Variants in CNKSR2 observed in about 807,000 individuals in gnomAD.
CNKSR2 encodes the protein connector enhancer of kinase suppressor of Ras 2.
A neutral mutation model predicts 84.4 loss-of-function variants in CNKSR2; 14 were observed. The ratio of observed to expected loss-of-function variants is 0.17; its 90% CI spans 0.11 to 0.26. The LOEUF is 0.26. Among genes scored for constraint, CNKSR2 ranks in the 10% least tolerant of loss-of-function variants. CNKSR2 has a pLI of 1.00. For missense variants in CNKSR2, 485 were observed against 771.2 expected (o/e 0.63, Z 4.40); for synonymous variants, 275 against 277.9 (o/e 0.99, Z 0.10).
intron 11 of CNKSR2, among the ~76,000 whole-genome samples, chrX:21,553,493 A>C (rs2092111629): frequency 9.2e-6 from 1 of 108,386 alleles, no homozygotes; most frequent in Non-Finnish European, 1.9e-5. Flanking sequence ...GAATGTGTCC[A>C]TTAGGGTCCT....
chrX:21,631,743 T>A (rs762918467), intron 20 of CNKSR2, among the ~76,000 whole-genome samples: 1 of 112,482 alleles, frequency 8.9e-6, no homozygotes, highest in East Asian at 2.8e-4. Flanking sequence ...ATGCAGTATG[T>A]AGAATAAAAT....
At chrX:21,486,872 C>G (rs933475327) in intron 5 of CNKSR2, among the ~76,000 whole-genome samples, 1 of 111,536 alleles carries the variant, frequency 9.0e-6, no homozygotes, top group Admixed American at 9.5e-5. Flanking sequence ...TTCCCTGGAA[C>G]TTTCCTATAG....
chrX:21,421,431 G>C (rs140477426), intron 1 of CNKSR2, among the ~76,000 whole-genome samples: 1 of 109,006 alleles, frequency 9.2e-6, no homozygotes, highest in Non-Finnish European at 1.9e-5. Context: ...TGTCCTTGCG[G>C]GGGGCTAGGG....
At position 21,602,904 on chromosome X, in the gene CNKSR2, T is replaced by G. The variant is rs1331620451; in HGVS notation, c.2044+1555T>G. Among the ~76,000 whole-genome samples the G allele has an allele frequency of 8.0e-5, 9 of 112,310 alleles. No individual in the cohort carries two copies. In the Admixed American group the frequency reaches 8.5e-4, roughly 11 times the overall value. ...ATGTACTGATAGGAAAATGAATCTC[T>G]GACTCAATTTGCATAAATATAAGGG... On this transcript the variant is annotated intron_variant, in intron 18 of 21. Transcript: ENST00000379510.
At chrX:21,398,724 T>C (rs2090150747) in intron 1 of CNKSR2, among the ~76,000 whole-genome samples, 1 of 111,913 alleles carries the variant, frequency 8.9e-6, no homozygotes, top group African/African-American at 3.2e-5. Flanking sequence ...AACTTAAATA[T>C]TTCTCAAATG....
At chrX:21,571,109 T>C (rs1206972993) in intron 13 of CNKSR2, among the ~76,000 whole-genome samples, 1 of 112,578 alleles carries the variant, frequency 8.9e-6, no homozygotes, top group Non-Finnish European at 1.9e-5. Context: ...GATGGCATCA[T>C]CTTCCACTAT....
chrX:21,486,102 C>T (rs956234302), intron 5 of CNKSR2, among the ~76,000 whole-genome samples: 1 of 111,222 alleles, frequency 9.0e-6, no homozygotes, highest in African/African-American at 3.3e-5. Flanking sequence ...CCAGCCTGGG[C>T]AACAGATCGA....
At chrX:21,509,251 A>G in intron 8 of CNKSR2, among the ~76,000 whole-genome samples, 1 of 112,034 alleles carries the variant, frequency 8.9e-6, no homozygotes, top group East Asian at 2.8e-4. Context: ...TAAAAAACCA[A>G]ATGCCTTGAT....
In CNKSR2 at chrX:21,591,215, T is replaced by C. The variant is rs2092418425; in HGVS notation, c.1830+21T>C. Reference sequence around the variant, plus strand: ...AGGAGGTAAGATAAAGCACCTTTTGTTTTCTCATCCATTCTCTATCTTTAA... The same window carrying C: ...AGGAGGTAAGATAAAGCACCTTTTGCTTTCTCATCCATTCTCTATCTTTAA... On this transcript the variant is annotated intron_variant, in intron 15 of 21. Transcript: ENST00000379510. 7.3e-6 allele frequency: 8 copies of C among 1,102,744 alleles called. No homozygotes were observed. The East Asian group carries it at 2.2e-4, about 30-fold the overall frequency. The allele number at this position is 1,102,744 out of a possible 1,213,427, so 90.9% of individuals were successfully genotyped here. A position where few individuals can be genotyped will look rare whatever the true frequency, so the allele number is the denominator to read the frequency against.
chrX:21,573,400 G>A (rs952714691), intron 13 of CNKSR2, among the ~76,000 whole-genome samples: 3 of 112,368 alleles, frequency 2.7e-5, no homozygotes, highest in African/African-American at 9.7e-5. Context: ...GAGACTTTGT[G>A]TGGGGACTCT....
intron 5 of CNKSR2, among the ~76,000 whole-genome samples, chrX:21,487,715 G>C (rs12395602): frequency 0.037 from 4,162 of 111,322 alleles, 86 homozygotes; most frequent in Non-Finnish European, 0.06. Flanking sequence ...GTCAAACATA[G>C]AATTTGAACC....
Position 21,603,100 on chromosome X carries a change from A to G in CNKSR2, c.2044+1751A>G, listed in dbSNP as rs188161574. ...AGTTGTATTGGACATGCAGGTTCCA[A>G]AAAGTATTTAGTCTGTGGATTCGTG... On this transcript the variant is annotated intron_variant, in intron 18 of 21. Transcript: ENST00000379510. Among the ~76,000 whole-genome samples, 257 of 112,413 alleles carry G rather than the reference A, an allele frequency of 2.3e-3. 1 individual carries two copies. Among genetic ancestry groups the G allele is most frequent in the African/African-American group, 7.9e-3 (244 of 31,031 alleles).
chrX:21,643,793 T>C (rs1046581118), intron 20 of CNKSR2: 1 of 111,653 alleles, frequency 9.0e-6, no homozygotes, highest in African/African-American at 3.2e-5. Flanking sequence ...TAAAATCTTA[T>C]GCTTTTTTTT....
At chrX:21,443,021 G>A (rs1286370039) in intron 4 of CNKSR2, among the ~76,000 whole-genome samples, 1 of 110,496 alleles carries the variant, frequency 9.1e-6, no homozygotes, top group East Asian at 2.8e-4. Context: ...GGAGGAGGGT[G>A]AGGATCGAAA....
chrX:21,503,327 C>G (rs1472817150), intron 8 of CNKSR2: 2 of 293,245 alleles, frequency 6.8e-6, no homozygotes, highest in African/African-American at 5.5e-5. Context: ...TGACTTATGG[C>G]TTTAAGTGAG....
At chrX:21,572,609 C>T (rs1448032123) in intron 13 of CNKSR2, among the ~76,000 whole-genome samples, 5 of 111,150 alleles carry the variant, frequency 4.5e-5, no homozygotes, top group Admixed American at 9.6e-5. Flanking sequence ...CTTCACATGG[C>T]GACAGCAAGG....
chrX:21,585,117 C>T (rs2092378074), intron 13 of CNKSR2, among the ~76,000 whole-genome samples: 1 of 108,092 alleles, frequency 9.3e-6, no homozygotes, highest in African/African-American at 3.4e-5. Context: ...GTGCTGTGTA[C>T]CTGTAGTCCC....
At chrX:21,515,366 A>G (rs745659446) in intron 8 of CNKSR2, among the ~76,000 whole-genome samples, 1 of 111,245 alleles carries the variant, frequency 9.0e-6, no homozygotes, top group Non-Finnish European at 1.9e-5. Flanking sequence ...TATTAGACAA[A>G]GGGCACCAAT....
chrX:21,647,622 C>T (rs762836920), intron 20 of CNKSR2, among the ~76,000 whole-genome samples: 1 of 111,614 alleles, frequency 9.0e-6, no homozygotes, highest in East Asian at 2.8e-4. Flanking sequence ...TACTGCCCTG[C>T]TATAAATGAA....
Sources: allele counts gnomAD v4.1 joint callset (sites outside exome capture counted in the v4.1 genomes callset), GRCh38; gene constraint gnomAD v4.1.1; transcripts MANE v1.5; gene names NCBI Gene and HGNC (gene_info 2026-07-23, HGNC 2026-07-21).